The following SETD1A variants were observed in gnomAD, a reference collection of about 807,000 sequenced individuals.
SETD1A encodes SET domain containing 1A, histone lysine methyltransferase, also known as histone-lysine N-methyltransferase SETD1A.
In SETD1A, 29 loss-of-function variants were observed where a neutral mutation model predicts 149.9. The ratio of observed to expected loss-of-function variants is 0.19; its 90% confidence interval spans 0.14 to 0.26. The LOEUF (loss-of-function observed/expected upper bound fraction) is 0.26. Ranked by LOEUF, SETD1A falls within the 10% of genes least tolerant of loss-of-function variation. The pLI, the probability that SETD1A is intolerant of heterozygous loss-of-function variation, is 1.00. For missense variants in SETD1A, 2,109 were observed against 2,353.1 expected (o/e 0.90, Z 2.15); for synonymous variants, 1,141 against 968.5 (o/e 1.18, Z -3.31).
chr16:30,984,088 C>T lies in SETD1A; in HGVS notation c.*65C>T, dbSNP rs1488041434. 2 of 1,476,940 alleles carry T rather than the reference C, an allele frequency of 1.4e-6. No homozygotes were observed. Among genetic ancestry groups the T allele is most frequent in the African/African-American group, 2.8e-5 (2 of 71,862 alleles). 91.5% of individuals were successfully genotyped at this position (1,476,940 alleles called of 1,614,324 possible). A position where few individuals can be genotyped will look rare whatever the true frequency, so the allele number is the denominator to read the frequency against. ...CCTGGTGCCCTGAGCTCCCAGCACC[C>T]CCCCAGCCTTAGTGGGCTCAGCAGG... is the stretch of plus-strand genomic sequence containing the variant. On this transcript the variant is annotated 3_prime_UTR_variant, in exon 19 of 19. Coordinates refer to ENST00000262519, the MANE Select transcript of SETD1A (RefSeq NM_014712.3).
At chr16:30,972,138 A>G (rs758700222) in intron 13 of SETD1A, among the ~76,000 whole-genome samples, 1 of 152,194 alleles carries the variant, frequency 6.6e-6, no homozygotes, top group Non-Finnish European at 1.5e-5. Context: ...TTCTTTGTTC[A>G]TTTGTACGTC....
chr16:30,964,629 T>A lies in SETD1A; in HGVS notation c.887T>A (p.Phe296Tyr). Residue 296 changes from phenylalanine (F) to tyrosine (Y), a missense_variant, in exon 7 of 19, where the codon TTC (phenylalanine) becomes TAC (tyrosine). By Grantham distance (22) the Phe-to-Tyr change is conservative (BLOSUM62 3). Transcript: ENST00000262519. ...AYSSSTTSTS[F>Y]KPRRSENSYQ... ...TTCTCCAGCACCACTTCAACCTCCT[T>A]CAAGCCCCGGCGGTCAGAGAACAGC... The A allele has an allele frequency of 6.2e-7, 1 of 1,613,202 alleles. No individual in the cohort carries two copies. The highest frequency in any genetic ancestry group is 8.5e-7 in the Non-Finnish European group (1 of 1,179,696).
At chr16:30,976,401 T>TGGAAA (rs2056285747) in intron 13 of SETD1A, among the ~76,000 whole-genome samples, 1 of 152,086 alleles carries the variant, frequency 6.6e-6, no homozygotes, top group Non-Finnish European at 1.5e-5. Context: ...CTCCCCATGC[T>TGGAAA]GGAAGGCCTT....
rs1409047120 is a variant in SETD1A, at chr16:30,979,491, C to T, written c.3705C>T (p.Gly1235=). 6.2e-7 allele frequency: 1 copy of T among 1,601,012 alleles called. No individual in the cohort carries two copies. The highest frequency in any genetic ancestry group is 1.3e-5 in the African/African-American group (1 of 74,886). Residue 1235 remains glycine (G), a synonymous_variant, in exon 14 of 19, where the codon GGC becomes GGT. Coordinates refer to ENST00000262519, the MANE Select transcript of SETD1A (RefSeq NM_014712.3). ...GAGGAGGCCGGAGCCGGGCTGGAGGCCGAGGCCGCCTCACCGAGGAAGAGG... is the reference window on the plus strand; with the variant it reads ...GAGGAGGCCGGAGCCGGGCTGGAGGTCGAGGCCGCCTCACCGAGGAAGAGG... The part of the protein sequence containing the change: ...VSRGGRSRAG[G]RGRLTEEEEA...
chr16:30,980,732 C>G lies in SETD1A; in HGVS notation c.4582-7C>G, dbSNP rs770984723. 2 of 1,612,274 alleles carry G rather than the reference C, an allele frequency of 1.2e-6. No individual in the cohort carries two copies. Among genetic ancestry groups the G allele is most frequent in the Middle Eastern group, 1.7e-4 (1 of 6,054 alleles). On this transcript the variant is annotated splice_region_variant and splice_polypyrimidine_tract_variant and intron_variant, in intron 15 of 18. Transcript: ENST00000262519. The surrounding 1 kb of genome is among the most constrained non-coding windows in gnomAD (Gnocchi z 7.7). ...TGCTCACCTCCTCCCTGCCGTGTGT[C>G]TCACAGGGGACGAACCGCGTGCTGT...
At chr16:30,971,034 C>T (rs2056217312) in intron 12 of SETD1A, among the ~76,000 whole-genome samples, 2 of 152,212 alleles carry the variant, frequency 1.3e-5, no homozygotes, top group Non-Finnish European at 2.9e-5. Flanking sequence ...CCAGAGCAGC[C>T]TGCTTCCCAG....
rs4573943 is a variant in SETD1A at position 30,958,735 on chromosome 16, G to A, written c.4G>A (p.Asp2Asn). The A allele has an allele frequency of 6.2e-7, 1 of 1,614,176 alleles. No individual in the cohort carries two copies. The highest frequency in any genetic ancestry group is 2.2e-5 in the East Asian group (1 of 44,882). The change falls in exon 2 of 19, where the codon GAT becomes AAT. Residue 2 changes from aspartate (D) to asparagine (N), a missense_variant. By Grantham distance (23) the Asp-to-Asn change is conservative. Transcript: ENST00000262519. Reference sequence around the variant, plus strand: ...CTAACAGTGTAAATGAGCAAAGATGGATCAGGAAGGTGGGGGAGATGGGCA... The same window carrying A: ...CTAACAGTGTAAATGAGCAAAGATGAATCAGGAAGGTGGGGGAGATGGGCA... MDQEGGGDGQKA... is the reference protein window; with the variant it reads MNQEGGGDGQKA...
At chr16:30,959,677 C>T (rs1475068573) in intron 3 of SETD1A, among the ~76,000 whole-genome samples, 3 of 151,020 alleles carry the variant, frequency 2.0e-5, no homozygotes, top group Non-Finnish European at 4.4e-5. Flanking sequence ...ACTGGTGGTT[C>T]TTCATTTCCT....
rs767998826 is a variant in SETD1A, at chr16:30,981,058, C to T, written c.4693-3C>T. On this transcript the variant is annotated splice_region_variant and splice_polypyrimidine_tract_variant and intron_variant, in intron 16 of 18. Transcript: ENST00000262519. ...GCAGTTGAGTCTCCCTTCTGCCCCC[C>T]AGTTCCGGAAGAAGAAGCTCCGATT... 5 of 1,614,096 alleles carry T rather than the reference C, an allele frequency of 3.1e-6. No homozygotes were observed. The highest frequency in any genetic ancestry group is 4.2e-6 in the Non-Finnish European group (5 of 1,179,958).
rs772213851 is a variant in SETD1A at position 30,964,737 on chromosome 16, C to T, written c.995C>T (p.Ala332Val). The T allele has an allele frequency of 6.2e-7, 1 of 1,614,236 alleles. No individual in the cohort carries two copies. The highest frequency in any genetic ancestry group is 1.1e-5 in the South Asian group (1 of 91,088). ...TCCACGGCCATCGCCGCCACCACTGCAGCCACTGCCTCATCCTCCGCCTCT... is the reference window on the plus strand; with the variant it reads ...TCCACGGCCATCGCCGCCACCACTGTAGCCACTGCCTCATCCTCCGCCTCT... ...TASTAIAATTAATASSSASSS... is the reference protein window; with the variant it reads ...TASTAIAATTVATASSSASSS... Residue 332 changes from alanine to valine, a missense_variant, in exon 7 of 19, where the codon GCA becomes GTA. Coordinates refer to ENST00000262519, the MANE Select transcript of SETD1A (RefSeq NM_014712.3).
rs1178785730 is a variant in SETD1A at position 30,957,952 on chromosome 16, G to A, written c.-28G>A. On this transcript the variant is annotated 5_prime_UTR_variant, in exon 1 of 19. Transcript: ENST00000262519. ...TGCGAATGCAGACCCTGTGCCCGCT[G>A]GGCCTCGCGCAGGTGGCAGTGGTGT... 1 of 152,336 alleles carries A rather than the reference G, an allele frequency of 6.6e-6. No homozygotes were observed. The highest frequency in any genetic ancestry group is 6.5e-5 in the Admixed American group (1 of 15,282). The allele number at this position is 152,336 out of a possible 1,614,324, so 9.4% of individuals were successfully genotyped here.
chr16:30,971,245 A>G (rs2056219736), intron 12 of SETD1A, 133 bp from the exon 13 acceptor site: 1 of 884,444 alleles, frequency 1.1e-6, no homozygotes, highest in Non-Finnish European at 1.7e-6. Flanking sequence ...TTGCTTATGC[A>G]GCTCCTTGGT....
intron 13 of SETD1A, among the ~76,000 whole-genome samples, chr16:30,974,728 C>T (rs1285649290): frequency 1.2e-4 from 19 of 152,114 alleles, no homozygotes; most frequent in Admixed American, 5.9e-4. Flanking sequence ...GAGTTGGGGC[C>T]GGGCGCAGTG....
intron 12 of SETD1A, 94 bp from the exon 13 acceptor site, chr16:30,971,284 A>G: frequency 7.6e-7 from 1 of 1,316,262 alleles, no homozygotes; most frequent in Non-Finnish European, 1.0e-6. Context: ...CCTAGCCCAG[A>G]GCCCAGCATC....
In SETD1A at chr16:30,980,940, C is replaced by T. The variant is rs2056368507; in HGVS notation, c.4692+91C>T. 4.5e-6 allele frequency: 7 copies of T among 1,567,484 alleles called. No individual in the cohort carries two copies. In the Admixed American group the frequency reaches 6.9e-5, roughly 15 times the overall value. ...GACCACCCAGCAGGCTCCTGTGGTT[C>T]CCTCGGGTGGAGTTGGGGGGTAAGC... On this transcript the variant is annotated intron_variant, in intron 16 of 18. Coordinates refer to ENST00000262519, the MANE Select transcript of SETD1A (RefSeq NM_014712.3). The surrounding 1 kb of genome is among the most constrained non-coding windows in gnomAD (Gnocchi z 7.7).
intron 12 of SETD1A, among the ~76,000 whole-genome samples, chr16:30,970,952 G>GCCCAGAATCCTTTTTCAC (rs2056216500): frequency 6.6e-6 from 1 of 152,164 alleles, no homozygotes; most frequent in African/African-American, 2.4e-5. Flanking sequence ...AACCTTTTCA[G>GCCCAGAATCCTTTTTCAC]CCCAGAATCC....
intron 13 of SETD1A, 101 bp from the exon 14 acceptor site, chr16:30,979,044 C>T: frequency 4.1e-6 from 5 of 1,230,522 alleles, no homozygotes; most frequent in Non-Finnish European, 4.4e-6. Flanking sequence ...GGTTCCTGGG[C>T]GGAAGTGGGG....
intron 5 of SETD1A, 81 bp downstream of exon 5, chr16:30,963,635 G>A: frequency 5.6e-6 from 8 of 1,437,396 alleles, no homozygotes; most frequent in Non-Finnish European, 7.4e-6. Context: ...GTCTTCGGGA[G>A]GTTCCGGGCT....
Position 30,965,160 on chromosome 16 carries a change from C to T in SETD1A, c.1418C>T (p.Pro473Leu), listed in dbSNP as rs145388468. 61 of 1,613,652 alleles carry T rather than the reference C, an allele frequency of 3.8e-5. No individual in the cohort carries two copies. The highest frequency in any genetic ancestry group is 1.6e-4 in the Middle Eastern group (1 of 6,062). ...ASPARSGSPA[P>L]ETTNESVPFA... ...CCTGCCCGCTCTGGCTCCCCAGCCC[C>T]GGAGACCACCAATGAGAGTGTGCCC... The change falls in exon 7 of 19, where the codon CCG becomes CTG. Residue 473 changes from proline to leucine, a missense_variant. Physicochemically the swap from Pro to Leu is moderately conservative, Grantham distance 98 (BLOSUM62 -3). Around this residue, in one of 8 missense-constraint regions of SETD1A, gnomAD observed 410 missense variants for 394.8 expected, o/e 1.04. Coordinates refer to ENST00000262519, the MANE Select transcript of SETD1A (RefSeq NM_014712.3).
Sources: gnomAD v4.1 joint callset for allele counts (sites outside exome capture counted in the v4.1 genomes callset) on GRCh38, gnomAD v4.1.1 for gene constraint, gnomAD v4.1.1 regional missense constraint, Gnocchi (gnomAD v3.1) non-coding constraint, MANE v1.5 for transcripts, NCBI Gene and HGNC (gene_info 2026-07-23, HGNC 2026-07-21) for gene names.